Variants in MARCHF1 observed in about 807,000 individuals in gnomAD.
MARCHF1 encodes the protein E3 ubiquitin-protein ligase MARCHF1.
MARCHF1 carries 40 observed loss-of-function variants against 54.2 expected under a neutral mutation model. The ratio of observed to expected loss-of-function variants is 0.74; its 90% CI spans 0.57 to 0.96. The LOEUF is 0.96. MARCHF1 is among the 40% of genes least tolerant of loss of function. The pLI is 0.00. For missense variants in MARCHF1, 586 were observed against 656.5 expected (o/e 0.89, Z 1.17); for synonymous variants, 236 against 236.3 (o/e 1.00, Z 0.01).
At chr4:164,283,355 C>T (rs2111343542) in intron 1 of MARCHF1, among the ~76,000 whole-genome samples, 1 of 151,064 alleles carries the variant, frequency 6.6e-6, no homozygotes, top group African/African-American at 2.4e-5. Context: ...ATTAAACACA[C>T]CTTCCCTACC....
chr4:164,288,150 G>T (rs899084798), intron 1 of MARCHF1, among the ~76,000 whole-genome samples: 2 of 152,148 alleles, frequency 1.3e-5, no homozygotes, highest in Non-Finnish European at 2.9e-5. Context: ...CAAGGTAAGA[G>T]AATTAACGCT....
At chr4:163,832,953 G>A (rs4561890) in intron 4 of MARCHF1, among the ~76,000 whole-genome samples, 110,615 of 151,764 alleles carry the variant, frequency 0.73, 41,860 homozygotes, top group Non-Finnish European at 0.86. Flanking sequence ...GTATTCCATG[G>A]TGTATATGTG....
chr4:164,160,280 C>A (rs11944707), intron 1 of MARCHF1, among the ~76,000 whole-genome samples: 28,995 of 152,022 alleles, frequency 0.19, 4,402 homozygotes, highest in African/African-American at 0.41. Context: ...ATCTACTACA[C>A]ACCTAGGCTA....
intron 1 of MARCHF1, among the ~76,000 whole-genome samples, chr4:164,287,632 C>T (rs1178864506): frequency 6.6e-6 from 1 of 152,168 alleles, no homozygotes; most frequent in Non-Finnish European, 1.5e-5. Flanking sequence ...GTATCTCTCA[C>T]TTCAGGAGGT....
chr4:164,111,162 T>A (rs1755826311), intron 2 of MARCHF1, among the ~76,000 whole-genome samples: 1 of 151,808 alleles, frequency 6.6e-6, no homozygotes, highest in Non-Finnish European at 1.5e-5. Flanking sequence ...AGTAACAAGA[T>A]AAAATTACTC....
chr4:164,099,237 C>A (rs941167741), intron 2 of MARCHF1, among the ~76,000 whole-genome samples: 2 of 152,132 alleles, frequency 1.3e-5, no homozygotes, highest in Non-Finnish European at 2.9e-5. Flanking sequence ...AATATTTCAG[C>A]AGATTGATAT....
At chr4:163,742,137 A>G (rs962293252) in intron 4 of MARCHF1, among the ~76,000 whole-genome samples, 6 of 152,164 alleles carry the variant, frequency 3.9e-5, no homozygotes, top group Admixed American at 2.6e-4. Context: ...ATAACCAAAA[A>G]TCATGGGGAC....
At chr4:163,629,093 A>T (rs1342163728) in intron 5 of MARCHF1, among the ~76,000 whole-genome samples, 1 of 151,966 alleles carries the variant, frequency 6.6e-6, no homozygotes, top group East Asian at 1.9e-4. Flanking sequence ...CATATAGACA[A>T]CCCTAAGACA....
rs1200433287 is a variant in MARCHF1, at chr4:164,066,930, T to C, written c.-248+44658A>G. Among the ~76,000 whole-genome samples, 4 of 152,054 alleles carry C rather than the reference T, an allele frequency of 2.6e-5. No individual in the cohort carries two copies. In the East Asian group the frequency reaches 7.7e-4, roughly 29 times the overall value. ...AACAACTAATGGGTACTAAGCTTAA[T>C]ATCAGGGTGATAAAATAATCTGTAC... On this transcript the variant is annotated intron_variant, in intron 2 of 9. Coordinates refer to ENST00000514618, the MANE Select transcript of MARCHF1 (RefSeq NM_001394959.1).
At chr4:163,836,436 G>A (rs868795298) in intron 4 of MARCHF1, among the ~76,000 whole-genome samples, 45 of 143,548 alleles carry the variant, frequency 3.1e-4, no homozygotes, top group South Asian at 1.1e-3. Context: ...TAGTAGAGAC[G>A]GGGTTTCACC....
At chr4:164,069,325 A>G (rs1754807137) in intron 2 of MARCHF1, among the ~76,000 whole-genome samples, 2 of 152,216 alleles carry the variant, frequency 1.3e-5, no homozygotes, top group Non-Finnish European at 2.9e-5. Context: ...AGGCTGCCTG[A>G]GCCAGCAGTG....
At chr4:164,027,223 T>A (rs1427734487) in intron 2 of MARCHF1, among the ~76,000 whole-genome samples, 2 of 151,692 alleles carry the variant, frequency 1.3e-5, no homozygotes, top group African/African-American at 4.8e-5. Context: ...TTCACAGCAT[T>A]ATACAAAAGT....
intron 8 of MARCHF1, among the ~76,000 whole-genome samples, chr4:163,573,057 T>C (rs1291987888): frequency 1.3e-5 from 2 of 152,142 alleles, no homozygotes; most frequent in Non-Finnish European, 2.9e-5. Flanking sequence ...GAGGCTGACT[T>C]GGGAGAGATT....
chr4:164,238,968 T>A (rs1314224099), intron 1 of MARCHF1, among the ~76,000 whole-genome samples: 1 of 152,038 alleles, frequency 6.6e-6, no homozygotes, highest in Non-Finnish European at 1.5e-5. Flanking sequence ...TTTACTAGAG[T>A]TAGGATCTCA....
chr4:164,258,419 A>AT (rs1733357351), intron 1 of MARCHF1, among the ~76,000 whole-genome samples: 4 of 150,862 alleles, frequency 2.7e-5, no homozygotes, highest in Admixed American at 6.6e-5. Flanking sequence ...AATAATAATA[A>AT]AGGACAAAAC....
At chr4:164,112,733 A>T (rs1192643367) in intron 1 of MARCHF1, among the ~76,000 whole-genome samples, 4 of 151,966 alleles carry the variant, frequency 2.6e-5, no homozygotes, top group Non-Finnish European at 5.9e-5. Flanking sequence ...ACTATATACA[A>T]CAAATGAAAA....
chr4:163,686,389 A>G (rs1363451504), intron 5 of MARCHF1, among the ~76,000 whole-genome samples: 3 of 151,382 alleles, frequency 2.0e-5, no homozygotes, highest in Non-Finnish European at 4.4e-5. Context: ...GAATAAACGT[A>G]ATAGGGAATA....
At chr4:163,538,431 AGCTCAG>A (rs1738611999) in intron 9 of MARCHF1, among the ~76,000 whole-genome samples, 1 of 152,126 alleles carries the variant, frequency 6.6e-6, no homozygotes, top group Admixed American at 6.5e-5. Context: ...GTTATCCAAG[AGCTCAG>A]GTTCCCCACC....
At chr4:164,006,210 C>T (rs538809787) in intron 2 of MARCHF1, among the ~76,000 whole-genome samples, 3 of 152,068 alleles carry the variant, frequency 2.0e-5, no homozygotes, top group African/African-American at 7.2e-5. Context: ...TCAGTGATCT[C>T]CAAGATAACA....
Sources: gnomAD v4.1 joint callset for allele counts (sites outside exome capture counted in the v4.1 genomes callset) on GRCh38, gnomAD v4.1.1 for gene constraint, MANE v1.5 for transcripts, NCBI Gene and HGNC (gene_info 2026-07-23, HGNC 2026-07-21) for gene names.